LRRTM3: variants seen among roughly 807,000 people sequenced by gnomAD.
LRRTM3 encodes leucine-rich repeat transmembrane neuronal protein 3.
Under a neutral mutation model 44.7 loss-of-function variants are expected in LRRTM3, and 24 were observed. That is an observed-to-expected ratio of 0.54 (90% CI 0.39 to 0.76). LRRTM3 has a LOEUF of 0.76. Ranked by LOEUF, LRRTM3 falls within the 30% of genes least tolerant of loss-of-function variation. LRRTM3 has a pLI of 0.00. For missense variants in LRRTM3, 587 were observed against 702.2 expected (o/e 0.84, Z 1.85); for synonymous variants, 277 against 278.7 (o/e 0.99, Z 0.06).
rs1857558607 is a variant in LRRTM3, at chr10:67,090,359, T to G, written c.1537-7228T>G. Among the ~76,000 whole-genome samples, 5 of 152,242 alleles carry G rather than the reference T, an allele frequency of 3.3e-5. No individual in the cohort carries two copies. The South Asian group carries it at 1.0e-3, about 32-fold the overall frequency. On this transcript the variant is annotated intron_variant, in intron 2 of 2. Coordinates refer to ENST00000361320, the MANE Select transcript of LRRTM3 (RefSeq NM_178011.5). ...AATGTGCAAAGAAGCATCATAAAAC[T>G]ACAGTATAAACATAGGAAATCTTAA...
At chr10:67,017,386 C>T (rs1192155152) in intron 2 of LRRTM3, among the ~76,000 whole-genome samples, 4 of 152,168 alleles carry the variant, frequency 2.6e-5, no homozygotes, top group Non-Finnish European at 5.9e-5. Flanking sequence ...CTTTCTACCA[C>T]ATCCTGTTGC....
intron 2 of LRRTM3, among the ~76,000 whole-genome samples, chr10:66,942,264 A>C (rs934888070): frequency 6.6e-6 from 1 of 152,210 alleles, no homozygotes; most frequent in South Asian, 2.1e-4. Context: ...CCAAGTCTGC[A>C]ATATATAAAA....
chr10:67,070,962 T>G (rs1340643706), intron 2 of LRRTM3, among the ~76,000 whole-genome samples: 1 of 152,222 alleles, frequency 6.6e-6, no homozygotes, highest in Non-Finnish European at 1.5e-5. Context: ...AGTGTTTACC[T>G]GAGGAATTGC....
chr10:66,945,132 C>T (rs180830539), intron 2 of LRRTM3, among the ~76,000 whole-genome samples: 1 of 152,262 alleles, frequency 6.6e-6, no homozygotes, highest in African/African-American at 2.4e-5. Flanking sequence ...GCTTTGAGGC[C>T]AGGCATTGAC....
chr10:67,010,003 G>T (rs1186917852), intron 2 of LRRTM3, among the ~76,000 whole-genome samples: 1 of 152,098 alleles, frequency 6.6e-6, no homozygotes, highest in Non-Finnish European at 1.5e-5. Context: ...TGTCCTGGAG[G>T]CTTTAGGGAT....
intron 2 of LRRTM3, among the ~76,000 whole-genome samples, chr10:67,059,176 T>C (rs1299242693): frequency 6.6e-6 from 1 of 152,114 alleles, no homozygotes; most frequent in Admixed American, 6.5e-5. Flanking sequence ...TAACATAACA[T>C]CCACTTTCTA....
chr10:67,080,120 C>A (rs1229163097), intron 2 of LRRTM3, among the ~76,000 whole-genome samples: 11 of 152,156 alleles, frequency 7.2e-5, no homozygotes. Flanking sequence ...GAAGGGGTGA[C>A]AGCCCCAAGT....
intron 2 of LRRTM3, among the ~76,000 whole-genome samples, chr10:67,087,358 A>G (rs546066910): frequency 6.6e-6 from 1 of 152,104 alleles, no homozygotes; most frequent in East Asian, 1.9e-4. Flanking sequence ...AATTTGAAAA[A>G]CACAGATATT....
intron 2 of LRRTM3, among the ~76,000 whole-genome samples, chr10:66,956,766 G>A (rs1848812103): frequency 6.6e-6 from 1 of 152,122 alleles, no homozygotes; most frequent in Admixed American, 6.6e-5. Context: ...AACTGAATTT[G>A]GCAAATCACA....
At chr10:66,982,614 C>T (rs977355779) in intron 2 of LRRTM3, among the ~76,000 whole-genome samples, 8 of 151,514 alleles carry the variant, frequency 5.3e-5, no homozygotes, top group African/African-American at 1.9e-4. Flanking sequence ...TAGACAAAGA[C>T]AATTGAAATA....
intron 2 of LRRTM3, among the ~76,000 whole-genome samples, chr10:67,083,668 C>T (rs1010019298): frequency 6.6e-6 from 1 of 152,120 alleles, no homozygotes; most frequent in African/African-American, 2.4e-5. Context: ...AACCATGTGG[C>T]TTTCCCTCTA....
At chr10:66,936,614 TG>T (rs1847710365) in intron 2 of LRRTM3, among the ~76,000 whole-genome samples, 1 of 152,162 alleles carries the variant, frequency 6.6e-6, no homozygotes, top group African/African-American at 2.4e-5. Context: ...GTCAGTTTCA[TG>T]GTTGGAGTCA....
intron 2 of LRRTM3, among the ~76,000 whole-genome samples, chr10:66,981,220 G>A (rs1394619080): frequency 6.6e-6 from 1 of 152,106 alleles, no homozygotes; most frequent in Non-Finnish European, 1.5e-5. Context: ...AGTTTTTCTA[G>A]TAGTTTATTC....
intron 2 of LRRTM3, among the ~76,000 whole-genome samples, chr10:67,014,263 T>C (rs1378482825): frequency 6.6e-6 from 1 of 152,194 alleles, no homozygotes; most frequent in East Asian, 1.9e-4. Context: ...AGATCCCTTA[T>C]AAAATTGATG....
At chr10:66,944,150 CA>C (rs1166795487) in intron 2 of LRRTM3, among the ~76,000 whole-genome samples, 1 of 152,208 alleles carries the variant, frequency 6.6e-6, no homozygotes, top group African/African-American at 2.4e-5. Context: ...GAACTTCTTT[CA>C]AAATTGAAGT....
intron 2 of LRRTM3, among the ~76,000 whole-genome samples, chr10:66,989,400 G>C (rs1850916710): frequency 6.6e-6 from 1 of 152,134 alleles, no homozygotes; most frequent in African/African-American, 2.4e-5. Context: ...CTTGCTTCTT[G>C]ATTATATTTG....
At chr10:67,011,931 T>C (rs1426316808) in intron 2 of LRRTM3, among the ~76,000 whole-genome samples, 2 of 152,150 alleles carry the variant, frequency 1.3e-5, no homozygotes, top group Non-Finnish European at 2.9e-5. Context: ...AAACCCACTA[T>C]GGAGCCCCAG....
At chr10:66,930,503 T>C (rs932978857) in intron 2 of LRRTM3, among the ~76,000 whole-genome samples, 4 of 152,184 alleles carry the variant, frequency 2.6e-5, no homozygotes, top group Admixed American at 2.0e-4. Context: ...CTAAAGATGT[T>C]TGTATTAATG....
chr10:66,999,999 TAACACTTC>T (rs1377687048), intron 2 of LRRTM3, among the ~76,000 whole-genome samples: 1 of 152,202 alleles, frequency 6.6e-6, no homozygotes, highest in Admixed American at 6.5e-5. Context: ...TTTGTCTTAC[TAACACTTC>T]AATTTATGGG....
Sources: allele counts gnomAD v4.1 joint callset (sites outside exome capture counted in the v4.1 genomes callset), GRCh38; gene constraint gnomAD v4.1.1; transcripts MANE v1.5; gene names NCBI Gene and HGNC (gene_info 2026-07-23, HGNC 2026-07-21).